LHFPL3: variants seen among roughly 807,000 people sequenced by gnomAD.
LHFPL3 encodes LHFPL tetraspan subfamily member 3.
A neutral mutation model predicts 19.3 loss-of-function variants in LHFPL3; 5 were observed. That is an observed-to-expected ratio of 0.26 (90% CI 0.14 to 0.54). The LOEUF (loss-of-function observed/expected upper bound fraction) is 0.54. Ranked by LOEUF, LHFPL3 falls within the 20% of genes least tolerant of loss-of-function variation. LHFPL3 has a pLI of 0.94. For missense variants in LHFPL3, 249 were observed against 307.4 expected (o/e 0.81, Z 1.42); for synonymous variants, 133 against 126.2 (o/e 1.05, Z -0.36).
intron 2 of LHFPL3, among the ~76,000 whole-genome samples, chr7:104,864,249 A>G (rs1002677774): frequency 1.3e-5 from 2 of 152,056 alleles, no homozygotes; most frequent in Non-Finnish European, 2.9e-5. Context: ...CTCACTGGGG[A>G]GTGTTGGAAA....
chr7:104,785,826 C>A (rs1315137802), intron 2 of LHFPL3: 1 of 152,198 alleles, frequency 6.6e-6, no homozygotes. Flanking sequence ...CTGCTCAAAC[C>A]TTGACCACAC....
At chr7:104,378,823 T>G (rs1790766177) in intron 1 of LHFPL3, among the ~76,000 whole-genome samples, 1 of 152,198 alleles carries the variant, frequency 6.6e-6, no homozygotes, top group South Asian at 2.1e-4. Flanking sequence ...TTTCAACTCT[T>G]TTGTAAGAGT....
chr7:104,710,927 A>G (rs961702947), intron 1 of LHFPL3, among the ~76,000 whole-genome samples: 1 of 152,174 alleles, frequency 6.6e-6, no homozygotes, highest in African/African-American at 2.4e-5. Context: ...TACCTAAATG[A>G]TGACTGGCTT....
chr7:104,487,329 A>G (rs1486490249), intron 1 of LHFPL3, among the ~76,000 whole-genome samples: 1 of 152,230 alleles, frequency 6.6e-6, no homozygotes, highest in African/African-American at 2.4e-5. Flanking sequence ...AAAATTAGTA[A>G]AAACAAGTAA....
At chr7:104,683,509 G>A (rs983431673) in intron 1 of LHFPL3, among the ~76,000 whole-genome samples, 2 of 152,148 alleles carry the variant, frequency 1.3e-5, no homozygotes, top group African/African-American at 4.8e-5. Flanking sequence ...ATTCTTCCTT[G>A]TAAGTCTTTT....
intron 2 of LHFPL3, among the ~76,000 whole-genome samples, chr7:104,890,934 C>T (rs1435122713): frequency 2.6e-5 from 4 of 152,136 alleles, no homozygotes; most frequent in Non-Finnish European, 5.9e-5. Context: ...TCCCCAGCCT[C>T]GTGCCTGCAA....
At chr7:104,420,721 G>A (rs1791715958) in intron 1 of LHFPL3, among the ~76,000 whole-genome samples, 2 of 152,022 alleles carry the variant, frequency 1.3e-5, no homozygotes, top group African/African-American at 2.4e-5. Flanking sequence ...CACCATGCCC[G>A]GCTAATTTTT....
intron 1 of LHFPL3, among the ~76,000 whole-genome samples, chr7:104,415,383 C>T (rs1052000977): frequency 1.3e-5 from 2 of 152,114 alleles, no homozygotes; most frequent in Admixed American, 6.5e-5. Flanking sequence ...AATCCCCTTT[C>T]CCCAATACTG....
At position 104,764,039 on chromosome 7, in the gene LHFPL3, T is replaced by A. The variant is rs531273525; in HGVS notation, c.682+27128T>A. 7.9e-5 allele frequency among the ~76,000 whole-genome samples: 12 copies of A among 152,352 alleles called. No homozygotes were observed. The South Asian group carries it at 2.5e-3, about 32-fold the overall frequency. On this transcript the variant is annotated intron_variant, in intron 2 of 2. Coordinates refer to ENST00000424859, the MANE Select transcript of LHFPL3 (RefSeq NM_199000.3). ...TGTGTGTCTCTAGCTCTCTTCAACC[T>A]ACTTCATTCTTTCTTCTCAGAAGCA...
chr7:104,337,904 T>C (rs1258175879), intron 1 of LHFPL3, among the ~76,000 whole-genome samples: 1 of 152,198 alleles, frequency 6.6e-6, no homozygotes, highest in Non-Finnish European at 1.5e-5. Flanking sequence ...CCACTTGGTA[T>C]GTTATAAAAA....
chr7:104,415,735 T>A (rs1364206683), intron 1 of LHFPL3, among the ~76,000 whole-genome samples: 3 of 152,214 alleles, frequency 2.0e-5, no homozygotes, highest in Non-Finnish European at 4.4e-5. Flanking sequence ...TATAGCATTC[T>A]TGGTTGAATG....
intron 1 of LHFPL3, among the ~76,000 whole-genome samples, chr7:104,467,450 GAT>G (rs1792814076): frequency 6.6e-6 from 1 of 152,194 alleles, no homozygotes; most frequent in Non-Finnish European, 1.5e-5. Context: ...GAGGAAAAGA[GAT>G]ATGGTTTGGG....
chr7:104,482,326 A>G (rs1793153434), intron 1 of LHFPL3, among the ~76,000 whole-genome samples: 1 of 152,204 alleles, frequency 6.6e-6, no homozygotes, highest in Non-Finnish European at 1.5e-5. Context: ...CTCTGCTTCT[A>G]GGAACCACAT....
chr7:104,364,023 G>A (rs770481555), intron 1 of LHFPL3, among the ~76,000 whole-genome samples: 3 of 152,186 alleles, frequency 2.0e-5, no homozygotes, highest in African/African-American at 7.2e-5. Context: ...ATAAACAAGT[G>A]CTGCAGCTGA....
intron 1 of LHFPL3, among the ~76,000 whole-genome samples, chr7:104,675,377 G>C (rs936591910): frequency 6.6e-6 from 1 of 152,200 alleles, no homozygotes; most frequent in Non-Finnish European, 1.5e-5. Context: ...AGCAGCTCAT[G>C]CAGGACTTCC....
chr7:104,850,553 G>T (rs17777379), intron 2 of LHFPL3, among the ~76,000 whole-genome samples: 1 of 152,068 alleles, frequency 6.6e-6, no homozygotes, highest in African/African-American at 2.4e-5. Context: ...ACACCCTGAT[G>T]CAGAGGGCTT....
At chr7:104,584,822 G>T (rs1279817182) in intron 1 of LHFPL3, among the ~76,000 whole-genome samples, 2 of 152,110 alleles carry the variant, frequency 1.3e-5, no homozygotes, top group African/African-American at 2.4e-5. Context: ...GAGTCATAGT[G>T]GTCTACAGAG....
chr7:104,639,549 T>C (rs1791790855), intron 1 of LHFPL3, among the ~76,000 whole-genome samples: 2 of 152,228 alleles, frequency 1.3e-5, no homozygotes, highest in South Asian at 4.1e-4. Context: ...GTTAGCACTA[T>C]TTGACTTTTT....
At chr7:104,342,989 GA>G (rs1789986092) in intron 1 of LHFPL3, among the ~76,000 whole-genome samples, 1 of 128,572 alleles carries the variant, frequency 7.8e-6, no homozygotes, top group Non-Finnish European at 1.6e-5. Flanking sequence ...TATTATTAAA[GA>G]ATTGACTTTT....
Sources: gnomAD v4.1 joint callset for allele counts (sites outside exome capture counted in the v4.1 genomes callset) on GRCh38, gnomAD v4.1.1 for gene constraint, MANE v1.5 for transcripts, NCBI Gene and HGNC (gene_info 2026-07-23, HGNC 2026-07-21) for gene names.